Variants in ARFGAP2 observed in about 807,000 individuals in gnomAD.
ARFGAP2 encodes ADP-ribosylation factor GTPase-activating protein 2.
In ARFGAP2, 45 loss-of-function variants were observed where a neutral mutation model predicts 71.9. That is an observed-to-expected ratio of 0.63 (90% CI 0.49 to 0.80). The LOEUF (loss-of-function observed/expected upper bound fraction) is 0.80, where lower values mean the gene tolerates loss of function less well. Ranked by LOEUF, ARFGAP2 falls within the 30% of genes least tolerant of loss-of-function variation. ARFGAP2 has a pLI of 0.00. For synonymous variants in ARFGAP2, 248 were observed against 249.2 expected (o/e 1.00, Z 0.05); for missense variants, 633 against 673.9 (o/e 0.94, Z 0.67).
chr11:47,175,724 G>A (rs1952783178), intron 3 of ARFGAP2, 127 bp downstream of exon 3: 1 of 1,081,954 alleles, frequency 9.2e-7, no homozygotes, highest in South Asian at 1.3e-5. Flanking sequence ...TCAGAAAATA[G>A]CTTATGGTGG....
At chr11:47,172,160 C>T (rs930970483) in intron 8 of ARFGAP2, 121 bp downstream of exon 8, 42 of 1,015,104 alleles carry the variant, frequency 4.1e-5, no homozygotes, top group Admixed American at 2.2e-5. Context: ...AGGCGAGGTT[C>T]GGAGAAACAC....
In ARFGAP2 at chr11:47,175,050, T is replaced by C; in HGVS notation, c.445A>G (p.Lys149Glu). ...SSAVPNHSPE[K>E]KDSDFFTEHT... is the part of the protein sequence containing the mutation. ...TCTGTGAAGAAATCAGAGTCCTTCT[T>C]CTCTGGGGAGTGATTAGGAACGGCA... Residue 149 changes from lysine (K) to glutamate (E), a missense_variant, in exon 5 of 16, where the codon AAG (lysine) becomes GAG (glutamate). By Grantham distance (56) the Lys-to-Glu change is moderately conservative. Transcript: ENST00000524782. The C allele has an allele frequency of 6.2e-7, 1 of 1,614,178 alleles. No homozygotes were observed. The highest frequency in any genetic ancestry group is 8.5e-7 in the Non-Finnish European group (1 of 1,180,028).
In ARFGAP2 at chr11:47,164,402, G is replaced by A. The variant is rs1354995869; in HGVS notation, c.*1080C>T. ...AGAAAGAAAGTCAAGTCCCTCTGGG[G>A]GAGGGGCAAGGGGAAGAGTGGTCTG... is the stretch of plus-strand genomic sequence containing the variant. On this transcript the variant is annotated 3_prime_UTR_variant, in exon 16 of 16. Coordinates refer to ENST00000524782, the MANE Select transcript of ARFGAP2 (RefSeq NM_032389.6). The A allele has an allele frequency of 3.4e-6, 3 of 885,498 alleles. No individual in the cohort carries two copies. The highest frequency in any genetic ancestry group is 3.5e-5 in the African/African-American group (2 of 57,928). 54.9% of individuals were successfully genotyped at this position (885,498 alleles called of 1,614,324 possible).
At chr11:47,171,882 C>T (rs1952614824) in intron 8 of ARFGAP2, 82 bp from the exon 9 acceptor site, 1 of 1,555,132 alleles carries the variant, frequency 6.4e-7, no homozygotes, top group Admixed American at 1.9e-5. Flanking sequence ...TAGCCACACC[C>T]ACAAGGAAAA....
At chr11:47,173,889 G>A in intron 5 of ARFGAP2, 49 bp from the exon 6 acceptor site, 1 of 1,557,794 alleles carries the variant, frequency 6.4e-7, no homozygotes, top group Non-Finnish European at 8.7e-7. Context: ...ACTCCTGCTG[G>A]CAAGAAGCAC....
intron 8 of ARFGAP2, 180 bp downstream of exon 8, chr11:47,172,100 GC>G: frequency 1.3e-6 from 1 of 763,050 alleles, no homozygotes; most frequent in South Asian, 1.7e-5. Context: ...CCTCCCAGCA[GC>G]CCTTGAAGAC....
At position 47,176,502 on chromosome 11, in the gene ARFGAP2, C is replaced by T. The variant is rs1952834613; in HGVS notation, c.191+14G>A. On this transcript the variant is annotated intron_variant, in intron 2 of 15. Transcript: ENST00000524782. ...CGGCCGGGTGGAAACACGGCAACCG[C>T]GCGGAGAGCCTACCTGATGAAGCTC... The T allele has an allele frequency of 1.2e-6, 2 of 1,611,518 alleles. No individual in the cohort carries two copies. Among genetic ancestry groups the T allele is most frequent in the Non-Finnish European group, 1.7e-6 (2 of 1,178,920 alleles).
In ARFGAP2 at chr11:47,176,546, C is replaced by T; in HGVS notation, c.161G>A (p.Arg54His). 1 of 1,613,828 alleles carries T rather than the reference C, an allele frequency of 6.2e-7. No individual in the cohort carries two copies. Among genetic ancestry groups the T allele is most frequent in the Non-Finnish European group, 8.5e-7 (1 of 1,180,018 alleles). ...GAAGCTCAGATGGACGCCCAGGGAG[C>T]GGTGCACCCCGGAACAGTCAATGCA... ...FLCIDCSGVH[R>H]SLGVHLSFIR... Residue 54 changes from arginine to histidine, a missense_variant, in exon 2 of 16, where the codon CGC (arginine) becomes CAC (histidine). By Grantham distance (29) the Arg-to-His change is conservative. Transcript: ENST00000524782.
rs1952295544 is a variant in ARFGAP2, at chr11:47,165,085, G to T, written c.*397C>A. ...GATGGGGACCCAAGGCCTCGAACTAGAAGAACCCTAGAGCCAGCAAAAAAA... is the reference window on the plus strand; with the variant it reads ...GATGGGGACCCAAGGCCTCGAACTATAAGAACCCTAGAGCCAGCAAAAAAA... On this transcript the variant is annotated 3_prime_UTR_variant, in exon 16 of 16. Transcript: ENST00000524782. 5.1e-6 allele frequency: 1 copy of T among 196,426 alleles called. No individual in the cohort carries two copies. The highest frequency in any genetic ancestry group is 2.3e-5 in the African/African-American group (1 of 43,130). The allele number at this position is 196,426 out of a possible 1,614,324, so 12.2% of individuals were successfully genotyped here.
intron 10 of ARFGAP2, among the ~76,000 whole-genome samples, chr11:47,171,034 G>A (rs1463501764): frequency 6.6e-6 from 1 of 152,114 alleles, no homozygotes. Flanking sequence ...AAATGTGGGG[G>A]ATATGTGAGG....
rs1489204359 is a variant in ARFGAP2 at position 47,168,364 on chromosome 11, TTC to T, written c.942-115_942-114del. ...CCTTCACGGAGCGTCACCCAGAGCC[TTC>T]TGTCCTTACCCAAGCACAGGGCTGG... On this transcript the variant is annotated intron_variant, in intron 10 of 15. Transcript: ENST00000524782. The T allele has an allele frequency of 3.4e-6, 5 of 1,452,830 alleles. No individual in the cohort carries two copies. In the African/African-American group the frequency reaches 5.6e-5, roughly 16 times the overall value. 90.0% of individuals were successfully genotyped at this position (1,452,830 alleles called of 1,614,324 possible).
chr11:47,175,128 A>G lies in ARFGAP2; in HGVS notation c.397-30T>C, dbSNP rs761771001. The G allele has an allele frequency of 3.1e-6, 5 of 1,614,144 alleles. 1 individual carries two copies. The South Asian group carries it at 4.4e-5, about 14-fold the overall frequency. On this transcript the variant is annotated intron_variant, in intron 4 of 15. Transcript: ENST00000524782. ...AAAGGAGAAGACACCCCTAAAACAC[A>G]GGGCTCTGAATACTCCTAACCCTCC...
chr11:47,173,533 C>T (rs1452357259), intron 6 of ARFGAP2, 51 bp from the exon 7 acceptor site: 2 of 1,517,018 alleles, frequency 1.3e-6, no homozygotes, highest in Non-Finnish European at 1.8e-6. Context: ...TTCCTGCAAC[C>T]TCCCCTTGAA....
chr11:47,175,697 GAC>G (rs1952782564), intron 3 of ARFGAP2, 152 bp downstream of exon 3: 4 of 813,592 alleles, frequency 4.9e-6, no homozygotes, highest in East Asian at 5.3e-5. Context: ...GAGAAGCTGT[GAC>G]CAGTTTCGAA....
In ARFGAP2 at chr11:47,166,920, C is replaced by A. The variant is rs771936076; in HGVS notation, c.1206-34G>T. The A allele has an allele frequency of 3.7e-6, 6 of 1,601,836 alleles. No homozygotes were observed. The East Asian group carries it at 1.1e-4, about 30-fold the overall frequency. The stretch of plus-strand genomic sequence containing the variant: ...AAGATGTGGAATATCTCGGACTCCT[C>A]CCATTATCATCAGGGGAGGCAGAGT... On this transcript the variant is annotated intron_variant, in intron 12 of 15. Coordinates refer to ENST00000524782, the MANE Select transcript of ARFGAP2 (RefSeq NM_032389.6).
At chr11:47,172,210 G>C in intron 8 of ARFGAP2, 71 bp downstream of exon 8, 1 of 1,483,732 alleles carries the variant, frequency 6.7e-7, no homozygotes. Context: ...AAGTGGTAAG[G>C]TCAAGGAGTG....
chr11:47,175,750 A>G, intron 3 of ARFGAP2, 101 bp downstream of exon 3: 2 of 1,340,172 alleles, frequency 1.5e-6, no homozygotes. Context: ...TAGAACAGAG[A>G]ACCCTCTGAA....
rs1952466112 is a variant in ARFGAP2, at chr11:47,168,242, G to A, written c.951C>T (p.Ser317=). 1 of 1,614,136 alleles carries A rather than the reference G, an allele frequency of 6.2e-7. No individual in the cohort carries two copies. The highest frequency in any genetic ancestry group is 1.1e-5 in the South Asian group (1 of 91,056). Residue 317 remains serine (S), a synonymous_variant, in exon 11 of 16, where the codon TCC becomes TCT. Transcript: ENST00000524782. The part of the protein sequence containing the change: ...GMGLVSRSSV[S]HSVLSEMQVI... ...CCTGCATCTCAGACAGCACGGAGTG[G>A]GAGACAGAGCTGCGCAGCAAAGCAG...
rs1056401151 is a variant in ARFGAP2, at chr11:47,166,859, G to C, written c.1233C>G (p.Ser411Arg). The change falls in exon 13 of 16, where the codon AGC becomes AGG. Residue 411 changes from serine (S) to arginine (R), a missense_variant. Transcript: ENST00000524782. ...CACTAGACTCGAGGCCTGAGCTCCG[G>C]CTCTCCACTTCCCTCCGGTTTGTGG... The part of the protein sequence containing the change: ...ERATNRREVE[S>R]RSSGLESSEA... 1.2e-6 allele frequency: 2 copies of C among 1,613,838 alleles called. No homozygotes were observed. The highest frequency in any genetic ancestry group is 1.3e-5 in the African/African-American group (1 of 74,944).
Sources: allele counts gnomAD v4.1 joint callset (sites outside exome capture counted in the v4.1 genomes callset), GRCh38; gene constraint gnomAD v4.1.1; transcripts MANE v1.5; gene names NCBI Gene and HGNC (gene_info 2026-07-23, HGNC 2026-07-21).